MITF: variants seen among roughly 807,000 people sequenced by gnomAD.
MITF encodes the protein melanocyte inducing transcription factor, also known as microphthalmia-associated transcription factor.
Under a neutral mutation model 60.5 loss-of-function variants are expected in MITF, and 17 were observed. The ratio of observed to expected loss-of-function variants is 0.28; its 90% CI spans 0.19 to 0.42. MITF has a LOEUF of 0.42. Ranked by LOEUF, MITF falls within the 10% of genes least tolerant of loss-of-function variation. The probability of loss-of-function intolerance (pLI) is 1.00; values close to 1 mark genes in which losing one functional copy is unlikely to be tolerated. For synonymous variants in MITF, 260 were observed against 248.5 expected (o/e 1.05, Z -0.43); for missense variants, 622 against 683.5 (o/e 0.91, Z 1.00).
chr3:69,876,187 G>A (rs1437340402), intron 1 of MITF, among the ~76,000 whole-genome samples: 1 of 152,088 alleles, frequency 6.6e-6, no homozygotes, highest in African/African-American at 2.4e-5. Flanking sequence ...TCTTAAGAAT[G>A]CTTTACTGTT....
chr3:69,874,086 C>A (rs893811511), intron 1 of MITF, among the ~76,000 whole-genome samples: 2 of 152,168 alleles, frequency 1.3e-5, no homozygotes, highest in African/African-American at 4.8e-5. Flanking sequence ...ATATGAATAT[C>A]CACCACTGTG....
chr3:69,810,116 T>G (rs2063077111), intron 1 of MITF, among the ~76,000 whole-genome samples: 1 of 152,158 alleles, frequency 6.6e-6, no homozygotes. Flanking sequence ...TCATCTACCC[T>G]TGGTCCTCTG....
At chr3:69,778,184 A>G (rs17006425) in intron 1 of MITF, among the ~76,000 whole-genome samples, 1 of 152,082 alleles carries the variant, frequency 6.6e-6, no homozygotes, top group African/African-American at 2.4e-5. Flanking sequence ...TCACATGGGC[A>G]GGTGGTTAGA....
intron 1 of MITF, among the ~76,000 whole-genome samples, chr3:69,801,404 A>C (rs2062917391): frequency 6.6e-6 from 1 of 152,232 alleles, no homozygotes; most frequent in African/African-American, 2.4e-5. Context: ...GACAATGTCA[A>C]ATCAATAACA....
At chr3:69,905,618 A>G (rs900564705) in intron 2 of MITF, among the ~76,000 whole-genome samples, 1 of 151,990 alleles carries the variant, frequency 6.6e-6, no homozygotes, top group African/African-American at 2.4e-5. Context: ...TGAGAGTTCT[A>G]TTTCCTTATA....
chr3:69,937,792 G>A (rs746492191), intron 2 of MITF, 30 bp from the exon 3 acceptor site: 1 of 1,597,742 alleles, frequency 6.3e-7, no homozygotes, highest in East Asian at 2.2e-5. Context: ...TAACAGCGCT[G>A]TTTTCTTTTC....
intron 1 of MITF, among the ~76,000 whole-genome samples, chr3:69,760,116 A>G (rs745971833): frequency 1.3e-5 from 2 of 152,220 alleles, no homozygotes; most frequent in Non-Finnish European, 2.9e-5. Context: ...GCCAATAAAA[A>G]TGGCCCATCA....
intron 5 of MITF, among the ~76,000 whole-genome samples, chr3:69,942,670 G>C (rs914090935): frequency 6.6e-6 from 1 of 151,982 alleles, no homozygotes; most frequent in South Asian, 2.1e-4. Flanking sequence ...CATACTCTCC[G>C]AACCTCTTGG....
At chr3:69,792,280 A>G (rs1300500768) in intron 1 of MITF, among the ~76,000 whole-genome samples, 1 of 152,176 alleles carries the variant, frequency 6.6e-6, no homozygotes, top group Non-Finnish European at 1.5e-5. Context: ...ATTTTATTTC[A>G]CTGCTTTTAT....
At chr3:69,936,977 TG>T (rs2107475316) in intron 2 of MITF, 1 of 458,796 alleles carries the variant, frequency 2.2e-6, no homozygotes, top group East Asian at 3.5e-5. Context: ...GCCTAGTGTG[TG>T]GCTAAACTAT....
intron 5 of MITF, among the ~76,000 whole-genome samples, chr3:69,946,053 A>G (rs2066087411): frequency 6.6e-6 from 1 of 152,166 alleles, no homozygotes; most frequent in Admixed American, 6.6e-5. Flanking sequence ...GGAATCCAGT[A>G]CTCCCTAGAA....
chr3:69,963,008 T>C (rs2066588852), intron 9 of MITF, among the ~76,000 whole-genome samples: 1 of 152,180 alleles, frequency 6.6e-6, no homozygotes, highest in Non-Finnish European at 1.5e-5. Flanking sequence ...TGGTCTTTTT[T>C]CCTGTGTGTG....
intron 8 of MITF, among the ~76,000 whole-genome samples, chr3:69,957,288 C>T (rs1335173334): frequency 6.6e-6 from 1 of 152,150 alleles, no homozygotes; most frequent in Non-Finnish European, 1.5e-5. Context: ...ATTTTAATGG[C>T]CCCCACAGGC....
chr3:69,861,482 G>A (rs1448989150), intron 1 of MITF, among the ~76,000 whole-genome samples: 1 of 152,172 alleles, frequency 6.6e-6, no homozygotes, highest in Non-Finnish European at 1.5e-5. Flanking sequence ...GGATGGTCTG[G>A]GAAGACCTCT....
At chr3:69,786,133 G>C (rs2062645253) in intron 1 of MITF, among the ~76,000 whole-genome samples, 1 of 152,192 alleles carries the variant, frequency 6.6e-6, no homozygotes, top group Non-Finnish European at 1.5e-5. Context: ...TAGATTCTAA[G>C]GTGGAGTGAG....
At chr3:69,880,478 T>C (rs1451367529) in intron 2 of MITF, among the ~76,000 whole-genome samples, 1 of 152,076 alleles carries the variant, frequency 6.6e-6, no homozygotes, top group East Asian at 1.9e-4. Context: ...CCAACTGAAA[T>C]TGGGTTAGGG....
chr3:69,876,148 T>G (rs969267858), intron 1 of MITF, among the ~76,000 whole-genome samples: 1 of 152,192 alleles, frequency 6.6e-6, no homozygotes, highest in African/African-American at 2.4e-5. Flanking sequence ...CTTAGTGCAG[T>G]TGATAACTAG....
At chr3:69,920,034 T>C (rs2107424130) in intron 2 of MITF, among the ~76,000 whole-genome samples, 1 of 152,308 alleles carries the variant, frequency 6.6e-6, no homozygotes, top group South Asian at 2.1e-4. Flanking sequence ...AGCAATTACT[T>C]TTTATTCCAA....
rs533106157 is a variant in MITF, at chr3:69,892,181, C to T, written c.354+12798C>T. Reference sequence around the variant, plus strand: ...TTTTTTTCTTATTTTTAGGCATTTTCCTGATCAACAAAAACCAAAGCACAA... The same window carrying T: ...TTTTTTTCTTATTTTTAGGCATTTTTCTGATCAACAAAAACCAAAGCACAA... On this transcript the variant is annotated intron_variant, in intron 2 of 9. Transcript: ENST00000352241. 2.7e-4 allele frequency among the ~76,000 whole-genome samples: 41 copies of T among 152,144 alleles called. No individual in the cohort carries two copies. In the South Asian group the frequency reaches 5.2e-3, roughly 19 times the overall value.
Sources: gnomAD v4.1 joint callset for allele counts (sites outside exome capture counted in the v4.1 genomes callset) on GRCh38, gnomAD v4.1.1 for gene constraint, MANE v1.5 for transcripts, NCBI Gene and HGNC (gene_info 2026-07-23, HGNC 2026-07-21) for gene names.